The following IL20RB variants were observed in gnomAD, a reference collection of about 807,000 sequenced individuals.
IL20RB encodes interleukin-20 receptor subunit beta.
A neutral mutation model predicts 33.3 loss-of-function variants in IL20RB; 21 were observed. The ratio of observed to expected loss-of-function variants is 0.63; its 90% CI spans 0.45 to 0.91. IL20RB has a LOEUF of 0.91. Ranked by LOEUF, IL20RB falls within the 40% of genes least tolerant of loss-of-function variation. The probability of loss-of-function intolerance (pLI) is 0.00; values close to 1 mark genes in which losing one functional copy is unlikely to be tolerated. For missense variants in IL20RB, 345 were observed against 384.8 expected (o/e 0.90, Z 0.86); for synonymous variants, 147 against 146.8 (o/e 1.00, Z -0.01).
chr3:137,001,234 T>G (rs1942237101), intron 6 of IL20RB, among the ~76,000 whole-genome samples: 1 of 152,250 alleles, frequency 6.6e-6, no homozygotes, highest in Non-Finnish European at 1.5e-5. Flanking sequence ...TTCCCTGTTC[T>G]CTGTTACCAT....
intron 1 of IL20RB, among the ~76,000 whole-genome samples, chr3:136,970,761 T>C (rs545374381): frequency 3.3e-5 from 5 of 151,970 alleles, no homozygotes; most frequent in African/African-American, 1.2e-4. Flanking sequence ...CAAGCGATTC[T>C]CCTGCCTCAG....
intron 1 of IL20RB, among the ~76,000 whole-genome samples, chr3:136,962,025 C>T (rs1941231501): frequency 6.6e-6 from 1 of 152,008 alleles, no homozygotes; most frequent in South Asian, 2.1e-4. Context: ...ATCCATGAGT[C>T]CATACCACTA....
chr3:136,990,298 CA>C (rs1942005975), intron 4 of IL20RB, among the ~76,000 whole-genome samples: 1 of 152,134 alleles, frequency 6.6e-6, no homozygotes, highest in African/African-American at 2.4e-5. Flanking sequence ...GGCTTTATCA[CA>C]AGGACTAATA....
intron 3 of IL20RB, among the ~76,000 whole-genome samples, chr3:136,987,179 C>G (rs1321025694): frequency 6.6e-6 from 1 of 152,138 alleles, no homozygotes; most frequent in Admixed American, 6.5e-5. Context: ...TTATCTGGCC[C>G]CACCCACGTC....
intron 5 of IL20RB, 57 bp from the exon 6 acceptor site, chr3:136,995,357 T>C: frequency 1.3e-6 from 2 of 1,596,560 alleles, no homozygotes; most frequent in Non-Finnish European, 1.7e-6. Flanking sequence ...AGGCTCAGGA[T>C]TGAAGTTTTA....
intron 1 of IL20RB, among the ~76,000 whole-genome samples, chr3:136,978,258 C>G (rs1238790749): frequency 2.6e-5 from 4 of 151,470 alleles, no homozygotes; most frequent in Non-Finnish European, 5.9e-5. Flanking sequence ...CTCCGTCTCC[C>G]AGGTTCAAGC....
chr3:136,993,183 C>T (rs922351852), intron 5 of IL20RB, among the ~76,000 whole-genome samples: 1 of 152,046 alleles, frequency 6.6e-6, no homozygotes, highest in African/African-American at 2.4e-5. Flanking sequence ...GGCAACATAG[C>T]GAGACCTCGT....
intron 5 of IL20RB, among the ~76,000 whole-genome samples, chr3:136,994,388 CATAAAT>C (rs559885174): frequency 2.2e-3 from 337 of 152,280 alleles, no homozygotes; most frequent in Non-Finnish European, 3.9e-3. Flanking sequence ...TCATGTACCC[CATAAAT>C]ATATACACCT....
intron 6 of IL20RB, among the ~76,000 whole-genome samples, chr3:136,995,815 A>G (rs1300574021): frequency 6.6e-6 from 1 of 152,178 alleles, no homozygotes; most frequent in Non-Finnish European, 1.5e-5. Context: ...CAAAGAGAGA[A>G]GATGTGTTGC....
chr3:136,980,529 T>G lies in IL20RB; in HGVS notation c.152T>G (p.Leu51Arg). Residue 51 changes from leucine (L) to arginine (R), a missense_variant, in exon 2 of 7, where the codon CTC becomes CGC. Transcript: ENST00000329582. ...LSVLSTNMKH[L>R]LMWSPVIAPG... is the part of the protein sequence containing the mutation. ...GTACTCTCAACCAACATGAAGCATC[T>G]CTTGATGTGGAGCCCAGTGATCGCG... The G allele has an allele frequency of 6.2e-7, 1 of 1,614,084 alleles. No homozygotes were observed. The highest frequency in any genetic ancestry group is 1.3e-5 in the African/African-American group (1 of 75,054).
intron 1 of IL20RB, among the ~76,000 whole-genome samples, chr3:136,976,736 C>G (rs941457580): frequency 1.3e-5 from 2 of 152,188 alleles, no homozygotes; most frequent in African/African-American, 4.8e-5. Context: ...GTGCTGCTGG[C>G]CACCAGGATA....
At chr3:136,962,866 CAAA>C (rs34403415) in intron 1 of IL20RB, among the ~76,000 whole-genome samples, 3,033 of 113,176 alleles carry the variant, frequency 0.027, 76 homozygotes, top group African/African-American at 0.079. Flanking sequence ...GGATTTTGGC[CAAA>C]AAAAAAAAAA....
At chr3:136,979,928 G>A (rs1365047015) in intron 1 of IL20RB, among the ~76,000 whole-genome samples, 3 of 152,222 alleles carry the variant, frequency 2.0e-5, no homozygotes, top group Non-Finnish European at 4.4e-5. Flanking sequence ...GAATGATTAA[G>A]AGGCTCACGT....
chr3:136,984,992 G>A (rs548472829), intron 3 of IL20RB, among the ~76,000 whole-genome samples: 1 of 152,316 alleles, frequency 6.6e-6, no homozygotes, highest in East Asian at 1.9e-4. Context: ...GCTGGCAGCT[G>A]TTGCTGGAAA....
chr3:136,998,167 C>A, intron 6 of IL20RB, among the ~76,000 whole-genome samples: 2 of 141,682 alleles, frequency 1.4e-5, no homozygotes, highest in African/African-American at 2.6e-5. Context: ...TCTTTTTCTG[C>A]CTCTTTTTGG....
chr3:136,983,251 C>T (rs1941825346), intron 3 of IL20RB, among the ~76,000 whole-genome samples: 1 of 152,096 alleles, frequency 6.6e-6, no homozygotes, highest in African/African-American at 2.4e-5. Context: ...CCATGCCTGG[C>T]TAATTTTTGT....
At chr3:136,984,627 G>C (rs1280314082) in intron 3 of IL20RB, among the ~76,000 whole-genome samples, 6 of 151,760 alleles carry the variant, frequency 4.0e-5, no homozygotes, top group African/African-American at 1.5e-4. Flanking sequence ...TTTAGAAGAA[G>C]AGGAGCCCAA....
chr3:137,003,717 A>G (rs148229469), intron 6 of IL20RB, among the ~76,000 whole-genome samples: 8,478 of 152,158 alleles, frequency 0.056, 789 homozygotes, highest in African/African-American at 0.19. Flanking sequence ...TGCAAACAGG[A>G]ACAATTTGAC....
intron 1 of IL20RB, 125 bp downstream of exon 1, chr3:136,958,326 A>C (rs1460551740): frequency 3.4e-6 from 2 of 591,034 alleles, no homozygotes; most frequent in Non-Finnish European, 5.9e-6. Flanking sequence ...TGTTTTACAA[A>C]AGATTTATCA....
Sources: allele counts gnomAD v4.1 joint callset (sites outside exome capture counted in the v4.1 genomes callset), GRCh38; gene constraint gnomAD v4.1.1; transcripts MANE v1.5; gene names NCBI Gene and HGNC (gene_info 2026-07-23, HGNC 2026-07-21).